The following IFTAP variants were observed in gnomAD, a reference collection of about 807,000 sequenced individuals.
IFTAP encodes the protein intraflagellar transport associated protein.
A neutral mutation model predicts 19.4 loss-of-function variants in IFTAP; 19 were observed. That is an observed-to-expected ratio of 0.98 (90% confidence interval 0.68 to 1.44). IFTAP has a LOEUF of 1.44. Ranked by LOEUF, IFTAP falls within the 40% of genes most tolerant of loss-of-function variation. The pLI is 0.00. For missense variants in IFTAP, 240 were observed against 253.6 expected (o/e 0.95, Z 0.36); for synonymous variants, 85 against 83.5 (o/e 1.02, Z -0.10).
At chr11:36,631,397 T>G (rs1484208184) in intron 2 of IFTAP, among the ~76,000 whole-genome samples, 1 of 151,412 alleles carries the variant, frequency 6.6e-6, no homozygotes, top group Non-Finnish European at 1.5e-5. Context: ...GTATTATAGA[T>G]TAGGTCACCT....
intron 4 of IFTAP, among the ~76,000 whole-genome samples, chr11:36,638,435 T>C (rs1258142673): frequency 1.3e-5 from 2 of 152,204 alleles, no homozygotes; most frequent in African/African-American, 4.8e-5. Context: ...TTCCCACACA[T>C]AGAATGATGT....
intron 5 of IFTAP, among the ~76,000 whole-genome samples, chr11:36,651,728 A>T (rs1416155372): frequency 6.6e-6 from 1 of 151,978 alleles, no homozygotes; most frequent in Admixed American, 6.6e-5. Flanking sequence ...TTAATTTTTG[A>T]GTAAGGTGTA....
Position 36,635,104 on chromosome 11 carries a change from A to G in IFTAP, c.292-947A>G, listed in dbSNP as rs778598802. ...AATGGCAGTACCATTTAAAATTCCTATGTAATAGCTATGGTCTCGCAAGTA... is the reference window on the plus strand; with the variant it reads ...AATGGCAGTACCATTTAAAATTCCTGTGTAATAGCTATGGTCTCGCAAGTA... On this transcript the variant is annotated intron_variant, in intron 3 of 5. Transcript: ENST00000334307. Among the ~76,000 whole-genome samples the G allele has an allele frequency of 5.9e-5, 9 of 152,264 alleles. No homozygotes were observed. In the South Asian group the frequency reaches 6.2e-4, roughly 11 times the overall value.
chr11:36,649,966 C>T (rs985557100), intron 5 of IFTAP, among the ~76,000 whole-genome samples: 1 of 152,056 alleles, frequency 6.6e-6, no homozygotes, highest in African/African-American at 2.4e-5. Flanking sequence ...AAAGGCAATG[C>T]TCATTGGAGC....
chr11:36,648,035 A>T lies in IFTAP; in HGVS notation c.378A>T (p.Gly126=). 6.2e-7 allele frequency: 1 copy of T among 1,613,178 alleles called. No homozygotes were observed. Among genetic ancestry groups the T allele is most frequent in the Non-Finnish European group, 8.5e-7 (1 of 1,179,458 alleles). The part of the protein sequence containing the change: ...QMSEDLLLLP[G]EVEQDVSTSI... ...CAACAGATTTGCTGCTGCTTCCAGGAGAAGTGGAGCAGGATGTAAGCACCA... is the reference window on the plus strand; with the variant it reads ...CAACAGATTTGCTGCTGCTTCCAGGTGAAGTGGAGCAGGATGTAAGCACCA... The change falls in exon 5 of 6, where the codon GGA becomes GGT. Residue 126 remains glycine (G), a synonymous_variant. Coordinates refer to ENST00000334307, the MANE Select transcript of IFTAP (RefSeq NM_138787.4).
At chr11:36,641,076 C>A (rs1356631678) in intron 4 of IFTAP, among the ~76,000 whole-genome samples, 1 of 152,066 alleles carries the variant, frequency 6.6e-6, no homozygotes. Flanking sequence ...AATACTCCTC[C>A]CCTTTCCAAC....
At position 36,630,307 on chromosome 11, in the gene IFTAP, A is replaced by G. The variant is rs544539008; in HGVS notation, c.137-2977A>G. Among the ~76,000 whole-genome samples, 15 of 151,582 alleles carry G rather than the reference A, an allele frequency of 9.9e-5. 3 individuals are homozygous for G. Among genetic ancestry groups the G allele is most frequent in the African/African-American group, 3.4e-4 (14 of 40,846 alleles). ...TTTAGAAGGAGCACTTCTGGGTCTT[A>G]GGAGGGATATAGCATATATTCTTGT... On this transcript the variant is annotated intron_variant, in intron 2 of 5. Transcript: ENST00000334307.
chr11:36,654,754 T>C (rs1270693073), intron 5 of IFTAP, among the ~76,000 whole-genome samples: 1 of 152,188 alleles, frequency 6.6e-6, no homozygotes, highest in Admixed American at 6.6e-5. Flanking sequence ...TCCTTTTTTT[T>C]ACATTTCCAT....
intron 4 of IFTAP, among the ~76,000 whole-genome samples, chr11:36,639,055 G>A (rs551383729): frequency 3.3e-5 from 5 of 152,162 alleles, no homozygotes; most frequent in Non-Finnish European, 7.3e-5. Context: ...TTGAGATAAG[G>A]TAGTTAACCT....
In IFTAP at chr11:36,647,900, G is replaced by T. The variant is rs191156813; in HGVS notation, c.359-116G>T. Reference sequence around the variant, plus strand: ...AAAGGAGGACAGGCATTGTGAAATGGATCTACATTACATGAGCATATTTGC... The same window carrying T: ...AAAGGAGGACAGGCATTGTGAAATGTATCTACATTACATGAGCATATTTGC... On this transcript the variant is annotated intron_variant, in intron 4 of 5. Coordinates refer to ENST00000334307, the MANE Select transcript of IFTAP (RefSeq NM_138787.4). 2.0e-5 allele frequency: 24 copies of T among 1,223,830 alleles called. No homozygotes were observed. The East Asian group carries it at 5.7e-4, about 29-fold the overall frequency. 75.8% of individuals were successfully genotyped at this position (1,223,830 alleles called of 1,614,324 possible). A position where few individuals can be genotyped will look rare whatever the true frequency, so the allele number is the denominator to read the frequency against.
chr11:36,596,222 G>GTTTTTTTTTTTTTTTTTTTTTT (rs67282079), intron 1 of IFTAP, among the ~76,000 whole-genome samples: 1 of 118,368 alleles, frequency 8.4e-6, no homozygotes, highest in African/African-American at 3.1e-5. Context: ...TTTTTTTTTT[G>GTTTTTTTTTTTTTTTTTTTTTT]TTTTTTTTTT....
At chr11:36,610,446 A>G (rs1370306978) in intron 2 of IFTAP, among the ~76,000 whole-genome samples, 1 of 152,194 alleles carries the variant, frequency 6.6e-6, no homozygotes, top group African/African-American at 2.4e-5. Context: ...GAGTTGTGTG[A>G]TGGTGTCAGA....
intron 4 of IFTAP, among the ~76,000 whole-genome samples, chr11:36,646,718 G>A: frequency 6.6e-6 from 1 of 152,140 alleles, no homozygotes; most frequent in Admixed American, 6.6e-5. Flanking sequence ...TTTTAGCTGT[G>A]GGATATTGAG....
At chr11:36,622,374 G>A (rs1468009402) in intron 2 of IFTAP, among the ~76,000 whole-genome samples, 1 of 152,082 alleles carries the variant, frequency 6.6e-6, no homozygotes, top group African/African-American at 2.4e-5. Context: ...GCAACTTTTT[G>A]TGGTAGGCAA....
In IFTAP at chr11:36,610,191, C is replaced by T. The variant is rs1851829498; in HGVS notation, c.88C>T (p.Gln30Ter). The T allele has an allele frequency of 1.9e-6, 3 of 1,610,370 alleles. No individual in the cohort carries two copies. The African/African-American group carries it at 4.0e-5, about 21-fold the overall frequency. Residue 30 changes from glutamine to a stop codon, truncating the protein, a stop_gained, in exon 2 of 6, where the codon CAA becomes TAA. Coordinates refer to ENST00000334307, the MANE Select transcript of IFTAP (RefSeq NM_138787.4). LOFTEE classifies it high-confidence loss of function. ...VLDKFLNCHE[Q>*]TYDEEFLNTF... is the part of the protein sequence containing the mutation. ...GGATAAATTCCTTAATTGTCATGAG[C>T]AAACATATGATGAAGAATTTCTGAA...
At chr11:36,633,258 T>C (rs754025195) in intron 2 of IFTAP, 26 bp from the exon 3 acceptor site, 17 of 1,456,496 alleles carry the variant, frequency 1.2e-5, no homozygotes, top group African/African-American at 1.7e-5. Context: ...GGATGTTTTC[T>C]AATAGTGCAT....
At chr11:36,609,833 C>T (rs1339088901) in intron 1 of IFTAP, among the ~76,000 whole-genome samples, 1 of 152,000 alleles carries the variant, frequency 6.6e-6, no homozygotes, top group Non-Finnish European at 1.5e-5. Flanking sequence ...GAATATATGA[C>T]AATATTCTTA....
At chr11:36,631,960 C>A (rs1283988630) in intron 2 of IFTAP, among the ~76,000 whole-genome samples, 1 of 151,142 alleles carries the variant, frequency 6.6e-6, no homozygotes, top group African/African-American at 2.5e-5. Context: ...CTTTCTGCTC[C>A]TTTTTTCTTC....
At chr11:36,657,762 A>C in intron 5 of IFTAP, among the ~76,000 whole-genome samples, 1 of 152,174 alleles carries the variant, frequency 6.6e-6, no homozygotes. Flanking sequence ...TGCTGATGCC[A>C]CGTGGTTCCT....
Sources: gnomAD v4.1 joint callset for allele counts (sites outside exome capture counted in the v4.1 genomes callset) on GRCh38, gnomAD v4.1.1 for gene constraint, MANE v1.5 for transcripts, NCBI Gene and HGNC (gene_info 2026-07-23, HGNC 2026-07-21) for gene names.